CMKLR1: variants seen among roughly 807,000 people sequenced by gnomAD.
CMKLR1 encodes the protein chemerin chemokine-like receptor 1.
A neutral mutation model predicts 8.2 loss-of-function variants in CMKLR1; 6 were observed. That is an observed-to-expected ratio of 0.73 (90% CI 0.40 to 1.44). CMKLR1 has a LOEUF of 1.44. CMKLR1 is among the 40% of genes most tolerant of loss of function. CMKLR1 has a pLI of 0.02. For synonymous variants in CMKLR1, 178 were observed against 181.2 expected (o/e 0.98, Z 0.14); for missense variants, 429 against 478.0 (o/e 0.90, Z 0.96).
At chr12:108,338,153 T>C (rs1892274371) in intron 1 of CMKLR1, among the ~76,000 whole-genome samples, 1 of 152,240 alleles carries the variant, frequency 6.6e-6, no homozygotes, top group African/African-American at 2.4e-5. Context: ...CAAAGCTGGC[T>C]TGCCCATTTA....
intron 2 of CMKLR1, among the ~76,000 whole-genome samples, chr12:108,327,381 G>A (rs1458081337): frequency 1.3e-5 from 2 of 152,194 alleles, no homozygotes; most frequent in Non-Finnish European, 2.9e-5. Flanking sequence ...TTGGGAGGCT[G>A]AAGCGGGAGG....
At chr12:108,301,071 CTTTTTTTTTT>C (rs11303250) in intron 2 of CMKLR1, among the ~76,000 whole-genome samples, 1 of 90,392 alleles carries the variant, frequency 1.1e-5, no homozygotes, top group Non-Finnish European at 2.1e-5. Context: ...CCACCCAAGT[CTTTTTTTTTT>C]TTTTTTTTTT....
chr12:108,335,909 A>G (rs1305549109), intron 1 of CMKLR1, among the ~76,000 whole-genome samples: 1 of 152,228 alleles, frequency 6.6e-6, no homozygotes, highest in Non-Finnish European at 1.5e-5. Context: ...CAAAGCCTCC[A>G]TGCTGGGGGA....
chr12:108,296,548 A>T (rs1040026667), intron 2 of CMKLR1, among the ~76,000 whole-genome samples: 17 of 152,174 alleles, frequency 1.1e-4, no homozygotes, highest in African/African-American at 3.6e-4. Flanking sequence ...CACAGAGGCC[A>T]GGCACGGTGG....
intron 2 of CMKLR1, among the ~76,000 whole-genome samples, chr12:108,295,573 G>A (rs1471787699): frequency 6.6e-6 from 1 of 152,254 alleles, no homozygotes; most frequent in Non-Finnish European, 1.5e-5. Context: ...GCCCAGAGGA[G>A]GGGCTGTTAC....
chr12:108,320,483 C>G (rs1294157210), intron 2 of CMKLR1: 4 of 152,216 alleles, frequency 2.6e-5, no homozygotes, highest in Non-Finnish European at 5.9e-5. Context: ...ATACCTCTCC[C>G]CCACATTTAG....
intron 2 of CMKLR1, among the ~76,000 whole-genome samples, chr12:108,300,580 C>T (rs1891242343): frequency 1.3e-5 from 2 of 152,120 alleles, no homozygotes; most frequent in African/African-American, 2.4e-5. Flanking sequence ...CATAGAACAA[C>T]ACAACAAAGG....
intron 1 of CMKLR1, among the ~76,000 whole-genome samples, chr12:108,333,620 A>C (rs2137347053): frequency 6.6e-6 from 1 of 152,324 alleles, no homozygotes; most frequent in South Asian, 2.1e-4. Context: ...GCAGGTACTC[A>C]TAGCATGCCC....
intron 1 of CMKLR1, among the ~76,000 whole-genome samples, chr12:108,331,304 A>T (rs1442834998): frequency 1.3e-5 from 2 of 152,200 alleles, no homozygotes; most frequent in Non-Finnish European, 2.9e-5. Flanking sequence ...CAGGTTCATA[A>T]GTGCAGGGAC....
chr12:108,296,205 T>C (rs1266325734), intron 2 of CMKLR1, among the ~76,000 whole-genome samples: 2 of 152,172 alleles, frequency 1.3e-5, no homozygotes, highest in Non-Finnish European at 2.9e-5. Context: ...ATCCACATCC[T>C]GGATCTGCAG....
At chr12:108,305,717 G>A (rs940257878) in intron 2 of CMKLR1, among the ~76,000 whole-genome samples, 2 of 152,200 alleles carry the variant, frequency 1.3e-5, no homozygotes, top group Non-Finnish European at 2.9e-5. Flanking sequence ...TTAGCTCCGT[G>A]TCAGGAGAGA....
intron 2 of CMKLR1, among the ~76,000 whole-genome samples, chr12:108,313,208 A>G (rs11113810): frequency 0.041 from 6,283 of 152,158 alleles, 393 homozygotes; most frequent in African/African-American, 0.14. Flanking sequence ...CACCTCTCCC[A>G]AGGCAAAGCC....
intron 2 of CMKLR1, among the ~76,000 whole-genome samples, chr12:108,319,665 T>G (rs2137329220): frequency 6.6e-6 from 1 of 152,350 alleles, no homozygotes; most frequent in African/African-American, 2.4e-5. Flanking sequence ...TGGCCCATGG[T>G]ATGTTCTCAG....
At chr12:108,322,464 C>A (rs1270451001) in intron 2 of CMKLR1, among the ~76,000 whole-genome samples, 1 of 152,182 alleles carries the variant, frequency 6.6e-6, no homozygotes, top group Non-Finnish European at 1.5e-5. Flanking sequence ...TGTGAAAGTG[C>A]AATGCTTTTG....
intron 2 of CMKLR1, among the ~76,000 whole-genome samples, chr12:108,327,689 G>A (rs1249964060): frequency 6.6e-6 from 1 of 152,228 alleles, no homozygotes; most frequent in Non-Finnish European, 1.5e-5. Flanking sequence ...TGGTCCCAGA[G>A]GACAATCTTG....
chr12:108,315,689 A>G (rs1891705117), intron 2 of CMKLR1, among the ~76,000 whole-genome samples: 1 of 152,190 alleles, frequency 6.6e-6, no homozygotes, highest in Non-Finnish European at 1.5e-5. Flanking sequence ...CAGGATTTAA[A>G]CACCAGCTGG....
In CMKLR1 at chr12:108,292,391, T is replaced by A. The variant is rs143907187; in HGVS notation, c.572A>T (p.Asn191Ile). Residue 191 changes from asparagine (N) to isoleucine (I), a missense_variant, in exon 4 of 4, where the codon AAC becomes ATC. By Grantham distance (149) the Asn-to-Ile change is moderately radical. Coordinates refer to ENST00000550402, the MANE Select transcript of CMKLR1 (RefSeq NM_001142343.2). The stretch of plus-strand genomic sequence containing the variant: ...CCCAGGTGTGGACAGGCTGAAGTTG[T>A]TGAAGCAGGATATTTTCCCATGCAG... Reference protein sequence around the residue: ...ANLHGKISCFNNFSLSTPGSS... With the variant: ...ANLHGKISCFINFSLSTPGSS... The A allele has an allele frequency of 2.4e-5, 38 of 1,614,142 alleles. No homozygotes were observed. The East Asian group carries it at 8.5e-4, about 36-fold the overall frequency.
intron 1 of CMKLR1, among the ~76,000 whole-genome samples, chr12:108,338,572 T>C (rs1892284808): frequency 6.6e-6 from 1 of 152,098 alleles, no homozygotes; most frequent in Non-Finnish European, 1.5e-5. Context: ...GTCTTAAAAA[T>C]AGGCAAACCT....
At position 108,288,962 on chromosome 12, in the gene CMKLR1, C is replaced by CT. The variant is rs916549736; in HGVS notation, c.*2878_*2879insA. ...AGAAACTCACTTTCTGCACCCCCCC[C>CT]CCACCTTGCTATGATGGTCCCCTTC... is the stretch of plus-strand genomic sequence containing the variant. On this transcript the variant is annotated 3_prime_UTR_variant, in exon 4 of 4. Coordinates refer to ENST00000550402, the MANE Select transcript of CMKLR1 (RefSeq NM_001142343.2). The CT allele has an allele frequency of 6.6e-6, 1 of 152,080 alleles. No homozygotes were observed. The highest frequency in any genetic ancestry group is 1.5e-5 in the Non-Finnish European group (1 of 68,286). The allele number at this position is 152,080 out of a possible 1,614,324, so 9.4% of individuals were successfully genotyped here.
Sources: gnomAD v4.1 joint callset for allele counts (sites outside exome capture counted in the v4.1 genomes callset) on GRCh38, gnomAD v4.1.1 for gene constraint, MANE v1.5 for transcripts, NCBI Gene and HGNC (gene_info 2026-07-23, HGNC 2026-07-21) for gene names.